The following ASTN1 variants were observed in gnomAD, a reference collection of about 807,000 sequenced individuals.
ASTN1 encodes astrotactin-1.
A neutral mutation model predicts 140.7 loss-of-function variants in ASTN1; 41 were observed. The ratio of observed to expected loss-of-function variants is 0.29; its 90% CI spans 0.23 to 0.38. ASTN1 has a LOEUF of 0.38. ASTN1 is among the 10% of genes least tolerant of loss of function. The pLI, the probability that ASTN1 is intolerant of heterozygous loss-of-function variation, is 1.00. For synonymous variants in ASTN1, 640 were observed against 652.2 expected, an observed-to-expected ratio of 0.98 and a Z score of 0.29; for missense variants, 1,479 against 1,678.8, an observed-to-expected ratio of 0.88 and a Z score of 2.08.
Position 176,863,453 on chromosome 1 carries a change from T to TA in ASTN1, c.*830dup, listed in dbSNP as rs1256360418. The TA allele has an allele frequency of 2.0e-6, 2 of 985,624 alleles. No homozygotes were observed. The highest frequency in any genetic ancestry group is 3.5e-5 in the African/African-American group (2 of 57,218). 61.1% of individuals were successfully genotyped at this position (985,624 alleles called of 1,614,324 possible). A position where few individuals can be genotyped will look rare whatever the true frequency, so the allele number is the denominator to read the frequency against. ...CTATCCAAAGGAAGCATGGTTTTTT[T>TA]AAAAAACAATAAACTCCAAGTCTCC... On this transcript the variant is annotated 3_prime_UTR_variant, in exon 23 of 23. Coordinates refer to ENST00000361833, the MANE Select transcript of ASTN1 (RefSeq NM_004319.3).
At position 177,032,690 on chromosome 1, in the gene ASTN1, C is replaced by T; in HGVS notation, c.631G>A (p.Gly211Arg). Residue 211 changes from glycine to arginine, a missense_variant, in exon 3 of 23, where the codon GGG (glycine) becomes AGG (arginine). Gly to Arg is a moderately radical substitution (Grantham distance 125). Transcript: ENST00000361833. The stretch of plus-strand genomic sequence containing the variant: ...TTGCGCAGGCTCTCCCGTCCGTGCC[C>T]GCCGATCAGCACAGAAGGAATGTAG... ...IHYIPSVLIG[G>R]HGRESLRNAR... 3.7e-6 allele frequency: 6 copies of T among 1,614,074 alleles called. No individual in the cohort carries two copies. The highest frequency in any genetic ancestry group is 5.1e-6 in the Non-Finnish European group (6 of 1,180,028).
At chr1:177,117,819 A>C (rs1326084366) in intron 1 of ASTN1, among the ~76,000 whole-genome samples, 1 of 152,096 alleles carries the variant, frequency 6.6e-6, no homozygotes, top group Non-Finnish European at 1.5e-5. Context: ...ACCTACTAAA[A>C]TATCAATCAC....
At position 177,000,876 on chromosome 1, in the gene ASTN1, T is replaced by C. The variant is rs1275583915; in HGVS notation, c.1523+13915A>G. Among the ~76,000 whole-genome samples, 27 of 152,208 alleles carry C rather than the reference T, an allele frequency of 1.8e-4. 2 individuals are homozygous for C. Among genetic ancestry groups the C allele is most frequent in the Admixed American group, 1.7e-3 (26 of 15,280 alleles). ...ATGAAATGGCTGTAGGAGGGATTTC[T>C]ACAATGGGTGGCAGATTGGATATTA... On this transcript the variant is annotated intron_variant, in intron 8 of 22. Transcript: ENST00000361833.
intron 16 of ASTN1, among the ~76,000 whole-genome samples, chr1:176,931,712 C>T (rs1469860064): frequency 6.6e-6 from 1 of 152,158 alleles, no homozygotes; most frequent in Non-Finnish European, 1.5e-5. Context: ...TGGAAGTCAC[C>T]ACCTCAGGGG....
chr1:176,943,793 T>G, intron 14 of ASTN1, 98 bp downstream of exon 14: 1 of 1,414,698 alleles, frequency 7.1e-7, no homozygotes, highest in Non-Finnish European at 9.3e-7. Flanking sequence ...AATCACTGGC[T>G]TAGAAACCAA....
intron 8 of ASTN1, among the ~76,000 whole-genome samples, chr1:176,965,840 A>G (rs1672856831): frequency 6.6e-6 from 1 of 152,192 alleles, no homozygotes; most frequent in Non-Finnish European, 1.5e-5. Context: ...TGGGTCTTTG[A>G]TAGGTTTCAG....
chr1:177,061,841 G>T (rs1678112908), intron 1 of ASTN1, among the ~76,000 whole-genome samples: 1 of 152,142 alleles, frequency 6.6e-6, no homozygotes, highest in Non-Finnish European at 1.5e-5. Context: ...TGCTATGACA[G>T]GTAAAGTAAT....
At chr1:177,026,729 T>A (rs1461165814) in intron 5 of ASTN1, among the ~76,000 whole-genome samples, 1 of 152,248 alleles carries the variant, frequency 6.6e-6, no homozygotes, top group Non-Finnish European at 1.5e-5. Flanking sequence ...TATCTCATTG[T>A]AGTTTTGATT....
At chr1:176,868,379 A>G (rs745580826) in intron 22 of ASTN1, among the ~76,000 whole-genome samples, 2 of 152,198 alleles carry the variant, frequency 1.3e-5, no homozygotes, top group Non-Finnish European at 2.9e-5. Context: ...TGATGTCAAG[A>G]TGGGTCTTTG....
chr1:176,959,494 G>C (rs1453653721), intron 9 of ASTN1, among the ~76,000 whole-genome samples: 1 of 151,818 alleles, frequency 6.6e-6, no homozygotes, highest in African/African-American at 2.4e-5. Flanking sequence ...TAGGAAACCA[G>C]ATTGATGACT....
chr1:176,968,194 GA>G lies in ASTN1; in HGVS notation c.1524-2958del, dbSNP rs1411356006. ...TATTTGACAAAGTTGTTATGAGGAG[GA>G]ACTAGCTAATGTAATTAAAGTGCCT... On this transcript the variant is annotated intron_variant, in intron 8 of 22. Coordinates refer to ENST00000361833, the MANE Select transcript of ASTN1 (RefSeq NM_004319.3). 5.9e-5 allele frequency among the ~76,000 whole-genome samples: 9 copies of G among 152,332 alleles called. 1 individual carries two copies. The South Asian group carries it at 1.7e-3, about 28-fold the overall frequency.
intron 16 of ASTN1, among the ~76,000 whole-genome samples, chr1:176,904,407 G>A (rs1048372506): frequency 6.6e-5 from 10 of 152,186 alleles, no homozygotes; most frequent in Non-Finnish European, 1.5e-4. Context: ...ACAGCTCCGG[G>A]ATGTGGAGAT....
At chr1:176,933,560 T>C (rs1671298794) in intron 16 of ASTN1, among the ~76,000 whole-genome samples, 1 of 152,214 alleles carries the variant, frequency 6.6e-6, no homozygotes, top group Non-Finnish European at 1.5e-5. Flanking sequence ...CAATTTCTTA[T>C]ACTTACTTGA....
chr1:176,888,011 A>G, intron 18 of ASTN1, 60 bp downstream of exon 18: 2 of 1,604,096 alleles, frequency 1.2e-6, no homozygotes, highest in South Asian at 1.1e-5. Flanking sequence ...TTCTTTGCAA[A>G]TAGTAGACGC....
At chr1:177,054,505 A>G (rs947721692) in intron 2 of ASTN1, among the ~76,000 whole-genome samples, 1 of 152,208 alleles carries the variant, frequency 6.6e-6, no homozygotes, top group East Asian at 1.9e-4. Context: ...CTGTGCGTGG[A>G]GCAGGAGTGT....
chr1:176,940,941 G>C (rs577476694), intron 14 of ASTN1, among the ~76,000 whole-genome samples: 131 of 152,272 alleles, frequency 8.6e-4, no homozygotes, highest in Non-Finnish European at 8.5e-4. Flanking sequence ...GTTGTCTATT[G>C]CTGAGAGGAG....
intron 22 of ASTN1, among the ~76,000 whole-genome samples, chr1:176,864,935 A>C (rs181262603): frequency 1.3e-5 from 2 of 152,214 alleles, no homozygotes; most frequent in African/African-American, 4.8e-5. Context: ...CCGCTTCTGA[A>C]CTGGTAGAAG....
rs1420885000 is a variant in ASTN1 at position 177,108,472 on chromosome 1, G to GT, written c.284-47208dup. Reference sequence around the variant, plus strand: ...ATACAGTACTTCTCCTTTGTGACTGGTTTTTTCCACTTAGCATGTCTTCAA... The same window carrying GT: ...ATACAGTACTTCTCCTTTGTGACTGGTTTTTTTCCACTTAGCATGTCTTCAA... On this transcript the variant is annotated intron_variant, in intron 1 of 22. Transcript: ENST00000361833. 3.9e-5 allele frequency among the ~76,000 whole-genome samples: 6 copies of GT among 152,112 alleles called. No individual in the cohort carries two copies. The East Asian group carries it at 5.8e-4, about 15-fold the overall frequency.
intron 8 of ASTN1, among the ~76,000 whole-genome samples, chr1:176,977,316 TA>T (rs1673409097): frequency 6.6e-6 from 1 of 152,248 alleles, no homozygotes. Flanking sequence ...TCTGTTTACT[TA>T]AAAAATATTA....
Sources: allele counts gnomAD v4.1 joint callset (sites outside exome capture counted in the v4.1 genomes callset), GRCh38; gene constraint gnomAD v4.1.1; transcripts MANE v1.5; gene names NCBI Gene and HGNC (gene_info 2026-07-23, HGNC 2026-07-21).